The following CACNA2D3 variants were observed in gnomAD, a reference collection of about 807,000 sequenced individuals.
CACNA2D3 encodes voltage-dependent calcium channel subunit alpha-2/delta-3.
Under a neutral mutation model 160.6 loss-of-function variants are expected in CACNA2D3, and 60 were observed. The observed-to-expected ratio is 0.37, with a 90% confidence interval of 0.30 to 0.46. CACNA2D3 has a LOEUF of 0.46. CACNA2D3 is among the 20% of genes least tolerant of loss of function. The probability of loss-of-function intolerance (pLI) is 1.00; values close to 1 mark genes in which losing one functional copy is unlikely to be tolerated. For synonymous variants in CACNA2D3, 558 were observed against 492.9 expected, an observed-to-expected ratio of 1.13 and a Z score of -1.75; for missense variants, 1,205 against 1,365.0, an observed-to-expected ratio of 0.88 and a Z score of 1.85.
rs114076132 is a variant in CACNA2D3 at position 54,775,279 on chromosome 3, G to A, written c.1380+10928G>A. ...GAATCCGAAACCAATCCACGCCTAA[G>A]ATCATGTACCACATCAGCAGGGTAT... is the stretch of plus-strand genomic sequence containing the variant. On this transcript the variant is annotated intron_variant, in intron 13 of 37. Coordinates refer to ENST00000474759, the MANE Select transcript of CACNA2D3 (RefSeq NM_018398.3). Among the ~76,000 whole-genome samples, 1,482 of 152,236 alleles carry A rather than the reference G, an allele frequency of 9.7e-3. 27 individuals are homozygous for A. Among genetic ancestry groups the A allele is most frequent in the African/African-American group, 0.033 (1,380 of 41,546 alleles).
chr3:54,853,396 A>G (rs1010916402), intron 17 of CACNA2D3, among the ~76,000 whole-genome samples: 1 of 152,212 alleles, frequency 6.6e-6, no homozygotes, highest in Non-Finnish European at 1.5e-5. Context: ...GTTTCTTACA[A>G]TAAATGAGAA....
intron 11 of CACNA2D3, among the ~76,000 whole-genome samples, chr3:54,699,556 T>A (rs1264600483): frequency 3.9e-5 from 6 of 152,200 alleles, no homozygotes; most frequent in Non-Finnish European, 5.9e-5. Flanking sequence ...GCCTTGTGTT[T>A]ATGTCTTATC....
intron 35 of CACNA2D3, among the ~76,000 whole-genome samples, chr3:55,061,752 C>G (rs1704512743): frequency 6.6e-6 from 1 of 152,192 alleles, no homozygotes; most frequent in East Asian, 1.9e-4. Flanking sequence ...ATTGAAATAA[C>G]TTAGGTTCAG....
intron 3 of CACNA2D3, among the ~76,000 whole-genome samples, chr3:54,377,513 T>C (rs1008992341): frequency 6.6e-6 from 1 of 152,232 alleles, no homozygotes; most frequent in African/African-American, 2.4e-5. Flanking sequence ...CTACCCTGTC[T>C]TAATAATATT....
At chr3:54,760,558 T>TA in intron 12 of CACNA2D3, among the ~76,000 whole-genome samples, 1 of 152,174 alleles carries the variant, frequency 6.6e-6, no homozygotes, top group Non-Finnish European at 1.5e-5. Context: ...TGTGACCTCT[T>TA]AGACAATCTC....
intron 34 of CACNA2D3, among the ~76,000 whole-genome samples, chr3:55,015,769 A>T (rs1426211398): frequency 1.3e-5 from 2 of 152,144 alleles, no homozygotes; most frequent in African/African-American, 2.4e-5. Flanking sequence ...AGGAGAGGAG[A>T]GCAAATGAGA....
chr3:54,464,754 C>G (rs936664423), intron 4 of CACNA2D3, among the ~76,000 whole-genome samples: 3 of 152,242 alleles, frequency 2.0e-5, no homozygotes, highest in Non-Finnish European at 4.4e-5. Flanking sequence ...CGCCGTGCTT[C>G]GGCTAGCGCA....
intron 2 of CACNA2D3, among the ~76,000 whole-genome samples, chr3:54,241,020 C>T (rs578002098): frequency 6.6e-6 from 1 of 152,294 alleles, no homozygotes; most frequent in African/African-American, 2.4e-5. Context: ...GGATTACAGG[C>T]ATGAGCCACT....
rs117213136 is a variant in CACNA2D3 at position 54,723,554 on chromosome 3, T to C, written c.1168-29045T>C. Among the ~76,000 whole-genome samples the C allele has an allele frequency of 6.2e-4, 95 of 152,296 alleles. 1 individual carries two copies. The East Asian group carries it at 0.017, about 27-fold the overall frequency. Reference sequence around the variant, plus strand: ...CGGAGGGAATCTCCTGGTTTGTGGGTTGTGAAAATCATAGGACAAGCACAG... The same window carrying C: ...CGGAGGGAATCTCCTGGTTTGTGGGCTGTGAAAATCATAGGACAAGCACAG... On this transcript the variant is annotated intron_variant, in intron 11 of 37. Coordinates refer to ENST00000474759, the MANE Select transcript of CACNA2D3 (RefSeq NM_018398.3).
At chr3:54,412,713 TTCTC>T (rs1481955850) in intron 4 of CACNA2D3, among the ~76,000 whole-genome samples, 1 of 151,570 alleles carries the variant, frequency 6.6e-6, no homozygotes, top group African/African-American at 2.4e-5. Context: ...CTTATATACT[TTCTC>T]TCTGTTTTTG....
At chr3:54,758,481 A>G (rs994692442) in intron 12 of CACNA2D3, among the ~76,000 whole-genome samples, 5 of 152,214 alleles carry the variant, frequency 3.3e-5, no homozygotes, top group Admixed American at 2.6e-4. Flanking sequence ...TCAGCACTCA[A>G]CAGACCTCTT....
intron 2 of CACNA2D3, among the ~76,000 whole-genome samples, chr3:54,243,798 C>T (rs1559893745): frequency 6.6e-6 from 1 of 152,190 alleles, no homozygotes. Flanking sequence ...AGTGTGACTT[C>T]AGACAAGCCA....
At chr3:54,195,168 G>C (rs1005943356) in intron 2 of CACNA2D3, among the ~76,000 whole-genome samples, 3 of 152,132 alleles carry the variant, frequency 2.0e-5, no homozygotes, top group Non-Finnish European at 4.4e-5. Context: ...AAATCATTTG[G>C]TCTGGGTTAG....
intron 35 of CACNA2D3, among the ~76,000 whole-genome samples, chr3:55,059,119 A>G (rs1024330513): frequency 6.6e-6 from 1 of 152,240 alleles, no homozygotes; most frequent in East Asian, 1.9e-4. Context: ...TTAACTTCCC[A>G]GTGAATTCTT....
intron 4 of CACNA2D3, among the ~76,000 whole-genome samples, chr3:54,464,568 C>A (rs1237354804): frequency 6.6e-6 from 1 of 152,224 alleles, no homozygotes; most frequent in African/African-American, 2.4e-5. Flanking sequence ...GGGCGTAGGA[C>A]CCTCCGAGCC....
chr3:54,957,306 T>A (rs746587729), intron 27 of CACNA2D3, among the ~76,000 whole-genome samples: 2 of 151,882 alleles, frequency 1.3e-5, no homozygotes, highest in African/African-American at 2.4e-5. Context: ...GCCACTGCAC[T>A]CAGCTAATTT....
At chr3:54,610,333 T>C (rs1698726872) in intron 9 of CACNA2D3, among the ~76,000 whole-genome samples, 1 of 152,192 alleles carries the variant, frequency 6.6e-6, no homozygotes. Context: ...AAATTTTACT[T>C]GGTTACTTTT....
chr3:54,243,491 C>T (rs758219502), intron 2 of CACNA2D3, among the ~76,000 whole-genome samples: 30 of 152,140 alleles, frequency 2.0e-4, no homozygotes, highest in African/African-American at 6.5e-4. Flanking sequence ...ATGTGGGGTT[C>T]GGCTATTGTT....
intron 27 of CACNA2D3, among the ~76,000 whole-genome samples, chr3:54,932,245 A>G (rs1394422715): frequency 6.6e-6 from 1 of 152,214 alleles, no homozygotes; most frequent in East Asian, 1.9e-4. Context: ...GAGAATATTC[A>G]TAATAAAGTG....
Sources: gnomAD v4.1 joint callset for allele counts (sites outside exome capture counted in the v4.1 genomes callset) on GRCh38, gnomAD v4.1.1 for gene constraint, MANE v1.5 for transcripts, NCBI Gene and HGNC (gene_info 2026-07-23, HGNC 2026-07-21) for gene names.